PRLR: variants seen among roughly 807,000 people sequenced by gnomAD.
PRLR encodes the protein prolactin receptor.
A neutral mutation model predicts 40.2 loss-of-function variants in PRLR; 13 were observed. The observed-to-expected ratio is 0.32, with a 90% CI of 0.21 to 0.51. The LOEUF is 0.51. Among genes scored for constraint, PRLR ranks in the 20% least tolerant of loss-of-function variants. PRLR has a pLI of 0.97. For missense variants in PRLR, 656 were observed against 747.3 expected, an observed-to-expected ratio of 0.88 and a Z score of 1.42; for synonymous variants, 269 against 278.7, an observed-to-expected ratio of 0.97 and a Z score of 0.35.
intron 1 of PRLR, among the ~76,000 whole-genome samples, chr5:35,188,274 CACATAAAAGATCA>C (rs72017465): frequency 0.059 from 8,952 of 152,226 alleles, 431 homozygotes; most frequent in African/African-American, 0.12. Flanking sequence ...GTTTAATCAT[CACATAAAAGATCA>C]ACATACCTTA....
chr5:35,084,900 G>A (rs1282977501), intron 4 of PRLR, among the ~76,000 whole-genome samples: 2 of 151,886 alleles, frequency 1.3e-5, no homozygotes, highest in East Asian at 3.9e-4. Context: ...TGTTCTTGTG[G>A]GCTCGGGGAC....
intron 5 of PRLR, among the ~76,000 whole-genome samples, chr5:35,076,916 C>A (rs1186856328): frequency 6.6e-6 from 1 of 152,118 alleles, no homozygotes; most frequent in East Asian, 1.9e-4. Flanking sequence ...AAAGAATTTT[C>A]AACCCAGAAT....
intron 1 of PRLR, among the ~76,000 whole-genome samples, chr5:35,161,329 T>A (rs2111906261): frequency 6.6e-6 from 1 of 152,270 alleles, no homozygotes; most frequent in African/African-American, 2.4e-5. Context: ...TCATTTCAAC[T>A]CTAAAAATTA....
At position 35,068,812 on chromosome 5, in the gene PRLR, A is replaced by C. The variant is rs769596985; in HGVS notation, c.752T>G (p.Ile251Ser). The change falls in exon 8 of 10, where the codon ATT becomes AGT. Residue 251 changes from isoleucine to serine, a missense_variant. This residue lies in a region of PRLR where 469 missense variants were observed against 491.5 expected (regional missense o/e 0.95). Coordinates refer to ENST00000618457, the MANE Select transcript of PRLR (RefSeq NM_000949.7). ...VAVLSAVICL[I>S]IVWAVALKGY... is the part of the protein sequence containing the mutation. ...CTTCAAAGCCACTGCCCAGACAATAATCAAACAGATGACAGCAGAAAGGAC... is the reference window on the plus strand; with the variant it reads ...CTTCAAAGCCACTGCCCAGACAATACTCAAACAGATGACAGCAGAAAGGAC... 1 of 1,612,380 alleles carries C rather than the reference A, an allele frequency of 6.2e-7. No homozygotes were observed. The highest frequency in any genetic ancestry group is 2.2e-5 in the East Asian group (1 of 44,854).
At chr5:35,099,453 A>T (rs1771726057) in intron 2 of PRLR, among the ~76,000 whole-genome samples, 1 of 152,252 alleles carries the variant, frequency 6.6e-6, no homozygotes, top group East Asian at 1.9e-4. Flanking sequence ...TGTGCAGTAT[A>T]TATACTTGAT....
intron 1 of PRLR, among the ~76,000 whole-genome samples, chr5:35,228,886 C>T (rs1776620400): frequency 6.6e-6 from 1 of 152,030 alleles, no homozygotes; most frequent in South Asian, 2.1e-4. Context: ...AAGGGATTGT[C>T]ACCTGGGATT....
intron 1 of PRLR, among the ~76,000 whole-genome samples, chr5:35,120,956 C>T (rs1773268832): frequency 6.6e-6 from 1 of 152,204 alleles, no homozygotes. Context: ...ATAAGCTTGG[C>T]TGTGTTCCAA....
At chr5:35,148,917 G>A (rs1774262209) in intron 1 of PRLR, among the ~76,000 whole-genome samples, 1 of 151,858 alleles carries the variant, frequency 6.6e-6, no homozygotes, top group African/African-American at 2.4e-5. Flanking sequence ...AGTATATATA[G>A]ATACAGAATT....
downstream of PRLR, among the ~76,000 whole-genome samples, chr5:35,051,482 T>C (rs1376229838): frequency 6.6e-6 from 1 of 152,218 alleles, no homozygotes; most frequent in Non-Finnish European, 1.5e-5. Flanking sequence ...GGCTTAATTA[T>C]TGTTTTCAAT....
intron 5 of PRLR, chr5:35,082,069 C>A: frequency 6.5e-6 from 1 of 152,980 alleles, no homozygotes; most frequent in South Asian, 1.9e-4. Context: ...GCTGGCGAGT[C>A]CCTGTGGCAC....
At chr5:35,119,286 C>T (rs1229536150) in intron 1 of PRLR, among the ~76,000 whole-genome samples, 1 of 152,098 alleles carries the variant, frequency 6.6e-6, no homozygotes, top group African/African-American at 2.4e-5. Flanking sequence ...TGCTGAATAT[C>T]CTCCATGCTG....
At chr5:35,194,832 C>A (rs184772912) in intron 1 of PRLR, among the ~76,000 whole-genome samples, 2 of 152,106 alleles carry the variant, frequency 1.3e-5, no homozygotes, top group African/African-American at 4.8e-5. Context: ...ATGATAGATA[C>A]AGGTCATTAT....
chr5:35,059,901 A>G lies in PRLR; in HGVS notation c.*5188T>C, dbSNP rs1768929495. The G allele has an allele frequency of 6.6e-6, 1 of 152,178 alleles. No homozygotes were observed. Among genetic ancestry groups the G allele is most frequent in the Admixed American group, 6.6e-5 (1 of 15,252 alleles). 9.4% of individuals were successfully genotyped at this position (152,178 alleles called of 1,614,324 possible). A position where few individuals can be genotyped will look rare whatever the true frequency, so the allele number is the denominator to read the frequency against. On this transcript the variant is annotated 3_prime_UTR_variant, in exon 10 of 10. Coordinates refer to ENST00000618457, the MANE Select transcript of PRLR (RefSeq NM_000949.7). Reference sequence around the variant, plus strand: ...CAGGCTGGAGTGCAGTGACACAATCACGGTTCACTGCAGCCTCGACCTCCT... The same window carrying G: ...CAGGCTGGAGTGCAGTGACACAATCGCGGTTCACTGCAGCCTCGACCTCCT...
At chr5:35,136,209 T>C (rs1773854133) in intron 1 of PRLR, among the ~76,000 whole-genome samples, 1 of 152,148 alleles carries the variant, frequency 6.6e-6, no homozygotes. Context: ...GTTTGTGGAC[T>C]CTCTGAGGCC....
chr5:35,145,780 A>G (rs1012206323), intron 1 of PRLR, among the ~76,000 whole-genome samples: 2 of 150,030 alleles, frequency 1.3e-5, no homozygotes, highest in African/African-American at 5.1e-5. Flanking sequence ...TTTCAAAATA[A>G]CACCTTTCTT....
chr5:35,166,234 T>C (rs1310255276), intron 1 of PRLR, among the ~76,000 whole-genome samples: 1 of 152,174 alleles, frequency 6.6e-6, no homozygotes, highest in Non-Finnish European at 1.5e-5. Flanking sequence ...TAAGGCTTCA[T>C]GGTCATGTCC....
intron 1 of PRLR, among the ~76,000 whole-genome samples, chr5:35,198,205 G>A (rs1775787515): frequency 6.6e-6 from 1 of 152,206 alleles, no homozygotes; most frequent in Non-Finnish European, 1.5e-5. Flanking sequence ...AATGCTGCTG[G>A]CAGGAAGATT....
At chr5:35,088,235 C>G (rs1177250208) in intron 3 of PRLR, among the ~76,000 whole-genome samples, 1 of 152,210 alleles carries the variant, frequency 6.6e-6, no homozygotes, top group Non-Finnish European at 1.5e-5. Context: ...CCCGTCCTTG[C>G]CAGCCCGGGT....
At chr5:35,122,884 T>G (rs1205346538) in intron 1 of PRLR, among the ~76,000 whole-genome samples, 3 of 152,122 alleles carry the variant, frequency 2.0e-5, no homozygotes, top group Admixed American at 2.0e-4. Context: ...AAAGGGGAAT[T>G]ACAAAATCTT....
Sources: gnomAD v4.1 joint callset for allele counts (sites outside exome capture counted in the v4.1 genomes callset) on GRCh38, gnomAD v4.1.1 for gene constraint, gnomAD v4.1.1 regional missense constraint, MANE v1.5 for transcripts, NCBI Gene and HGNC (gene_info 2026-07-23, HGNC 2026-07-21) for gene names.